NDUFS4: variants seen among roughly 807,000 people sequenced by gnomAD.
NDUFS4 encodes NADH dehydrogenase [ubiquinone] iron-sulfur protein 4, mitochondrial.
NDUFS4 carries 28 observed loss-of-function variants against 24.3 expected under a neutral mutation model. The ratio of observed to expected loss-of-function variants is 1.15; its 90% CI spans 0.85 to 1.58. The LOEUF (loss-of-function observed/expected upper bound fraction) is 1.58. Ranked by LOEUF, NDUFS4 falls within the 40% of genes most tolerant of loss-of-function variation. The probability of loss-of-function intolerance (pLI) is 0.00; values close to 1 mark genes in which losing one functional copy is unlikely to be tolerated. For missense variants in NDUFS4, 223 were observed against 207.9 expected (o/e 1.07, Z -0.45); for synonymous variants, 93 against 69.7 (o/e 1.34, Z -1.67).
intron 2 of NDUFS4, among the ~76,000 whole-genome samples, chr5:53,618,266 CCCTGTCT>C (rs1187786278): frequency 1.4e-5 from 2 of 147,240 alleles, no homozygotes; most frequent in Non-Finnish European, 3.0e-5. Flanking sequence ...CGGAGTGAGA[CCCTGTCT>C]CCAAAATAAA....
intron 2 of NDUFS4, among the ~76,000 whole-genome samples, chr5:53,610,768 GTTAA>G (rs1006134317): frequency 2.0e-5 from 3 of 152,116 alleles, no homozygotes; most frequent in Non-Finnish European, 4.4e-5. Context: ...ATGAGTTCCA[GTTAA>G]TTAATCATCT....
chr5:53,646,998 G>C (rs1253209963), intron 3 of NDUFS4, among the ~76,000 whole-genome samples: 1 of 151,826 alleles, frequency 6.6e-6, no homozygotes, highest in Non-Finnish European at 1.5e-5. Flanking sequence ...TTTTATCCAA[G>C]ATACTGTAAG....
chr5:53,640,962 A>G (rs1333706798), intron 2 of NDUFS4, among the ~76,000 whole-genome samples: 1 of 151,990 alleles, frequency 6.6e-6, no homozygotes, highest in Non-Finnish European at 1.5e-5. Flanking sequence ...TTTATTACAA[A>G]CTTCCCTGAG....
At position 53,595,822 on chromosome 5, in the gene NDUFS4, A is replaced by G. The variant is rs536059584; in HGVS notation, c.99-7630A>G. Among the ~76,000 whole-genome samples the G allele has an allele frequency of 2.5e-3, 379 of 152,326 alleles. 2 individuals are homozygous for G. The highest frequency in any genetic ancestry group is 8.7e-3 in the African/African-American group (362 of 41,568). ...GGCTTGAGCTGTGTCCAGACACACA[A>G]CTGCTATTAGTTCCTACCATAGTTC... is the stretch of plus-strand genomic sequence containing the variant. On this transcript the variant is annotated intron_variant, in intron 1 of 4. Coordinates refer to ENST00000296684, the MANE Select transcript of NDUFS4 (RefSeq NM_002495.4).
chr5:53,578,236 G>A (rs1749447658), intron 1 of NDUFS4, among the ~76,000 whole-genome samples: 1 of 152,174 alleles, frequency 6.6e-6, no homozygotes, highest in South Asian at 2.1e-4. Context: ...CATGGTTTAT[G>A]TCTGTCTTAG....
chr5:53,667,235 G>C (rs566221158), intron 4 of NDUFS4, among the ~76,000 whole-genome samples: 1 of 152,236 alleles, frequency 6.6e-6, no homozygotes, highest in Non-Finnish European at 1.5e-5. Context: ...GGAGGCTGAG[G>C]TGGGCGGATC....
At chr5:53,676,046 T>C (rs1383480834) in intron 4 of NDUFS4, among the ~76,000 whole-genome samples, 1 of 152,180 alleles carries the variant, frequency 6.6e-6, no homozygotes, top group African/African-American at 2.4e-5. Flanking sequence ...AGCATAGATA[T>C]ACAATAAACA....
At chr5:53,680,352 A>G (rs955635151) in intron 4 of NDUFS4, among the ~76,000 whole-genome samples, 1 of 152,202 alleles carries the variant, frequency 6.6e-6, no homozygotes, top group Non-Finnish European at 1.5e-5. Context: ...GTATATACCC[A>G]AAGGACTATA....
At chr5:53,644,135 GT>G (rs1279576772) in intron 2 of NDUFS4, among the ~76,000 whole-genome samples, 1 of 152,024 alleles carries the variant, frequency 6.6e-6, no homozygotes, top group East Asian at 1.9e-4. Flanking sequence ...AAAATCTTAA[GT>G]TTTTTAATCA....
chr5:53,590,410 CAA>C (rs1489615915), intron 1 of NDUFS4, among the ~76,000 whole-genome samples: 1 of 152,098 alleles, frequency 6.6e-6, no homozygotes, highest in South Asian at 2.1e-4. Context: ...TCTAAAAAAT[CAA>C]GAGGTTAATA....
chr5:53,594,134 G>A (rs1044994165), intron 1 of NDUFS4, among the ~76,000 whole-genome samples: 5 of 152,018 alleles, frequency 3.3e-5, no homozygotes, highest in African/African-American at 7.2e-5. Context: ...ATTACTATTC[G>A]AAGAATGTTG....
intron 2 of NDUFS4, among the ~76,000 whole-genome samples, chr5:53,624,331 A>G (rs1014126873): frequency 2.6e-5 from 4 of 152,104 alleles, no homozygotes; most frequent in Admixed American, 1.3e-4. Context: ...TGAAACAAAG[A>G]TTTCACGTGA....
chr5:53,681,557 A>G (rs1371538495), intron 4 of NDUFS4, among the ~76,000 whole-genome samples: 1 of 152,178 alleles, frequency 6.6e-6, no homozygotes, highest in Non-Finnish European at 1.5e-5. Context: ...GTAAGTCCAC[A>G]TTCTCTTAAA....
At chr5:53,672,511 A>G (rs1436024889) in intron 4 of NDUFS4, among the ~76,000 whole-genome samples, 3 of 152,208 alleles carry the variant, frequency 2.0e-5, no homozygotes, top group Non-Finnish European at 4.4e-5. Flanking sequence ...AGAGTTGCCA[A>G]GTAGCTAAAA....
At chr5:53,608,594 A>C (rs1460719436) in intron 2 of NDUFS4, among the ~76,000 whole-genome samples, 1 of 147,632 alleles carries the variant, frequency 6.8e-6, no homozygotes, top group Non-Finnish European at 1.5e-5. Flanking sequence ...TTCTGTCTCA[A>C]GAAACGACTT....
At position 53,560,641 on chromosome 5, in the gene NDUFS4, C is replaced by T. The variant is rs144843461; in HGVS notation, c.-22C>T. 3 of 1,614,252 alleles carry T rather than the reference C, an allele frequency of 1.9e-6. No homozygotes were observed. The highest frequency in any genetic ancestry group is 1.7e-5 in the Admixed American group (1 of 60,030). On this transcript the variant is annotated 5_prime_UTR_variant, in exon 1 of 5. Coordinates refer to ENST00000296684, the MANE Select transcript of NDUFS4 (RefSeq NM_002495.4). ...CCCTTGCGGTGATCCGTCCTTTCAT[C>T]CTGGCGTTTGCCTGCAGCAAGATGG...
chr5:53,639,382 A>C (rs1751646106), intron 2 of NDUFS4, among the ~76,000 whole-genome samples: 1 of 151,880 alleles, frequency 6.6e-6, no homozygotes, highest in East Asian at 1.9e-4. Flanking sequence ...TAGTGTATAA[A>C]AGCAATATTC....
chr5:53,637,899 T>G (rs1222486269), intron 2 of NDUFS4, among the ~76,000 whole-genome samples: 1 of 152,136 alleles, frequency 6.6e-6, no homozygotes, highest in Non-Finnish European at 1.5e-5. Flanking sequence ...TGAGGCAACT[T>G]AGACTATTGC....
At chr5:53,593,392 A>G (rs375065868) in intron 1 of NDUFS4, among the ~76,000 whole-genome samples, 29 of 151,254 alleles carry the variant, frequency 1.9e-4, no homozygotes, top group Middle Eastern at 6.8e-3. Flanking sequence ...CATTTTATAT[A>G]TTAGGGCTTT....
Sources: allele counts gnomAD v4.1 joint callset (sites outside exome capture counted in the v4.1 genomes callset), GRCh38; gene constraint gnomAD v4.1.1; transcripts MANE v1.5; gene names NCBI Gene and HGNC (gene_info 2026-07-23, HGNC 2026-07-21).